Variants in ARF4 observed in about 807,000 individuals in gnomAD.
The protein encoded by ARF4 is ARF GTPase 4.
In ARF4, 5 loss-of-function variants were observed where a neutral mutation model predicts 24.3. The observed-to-expected ratio is 0.21, with a 90% CI of 0.11 to 0.43. The LOEUF is 0.43. Among genes scored for constraint, ARF4 ranks in the 20% least tolerant of loss-of-function variants. The pLI, the probability that ARF4 is intolerant of heterozygous loss-of-function variation, is 1.00. For missense variants in ARF4, 107 were observed against 213.0 expected (o/e 0.50, Z 3.10); for synonymous variants, 62 against 73.5 (o/e 0.84, Z 0.80).
intron 1 of ARF4, among the ~76,000 whole-genome samples, chr3:57,591,000 C>T (rs1232576315): frequency 1.3e-5 from 2 of 152,116 alleles, no homozygotes; most frequent in African/African-American, 2.4e-5. Context: ...TCACAATAAC[C>T]TTTCATTTTT....
In ARF4 at chr3:57,571,746, T is replaced by A. The variant is rs927264086; in HGVS notation, c.*466A>T. The A allele has an allele frequency of 6.3e-6, 1 of 158,830 alleles. No homozygotes were observed. The highest frequency in any genetic ancestry group is 1.4e-5 in the Non-Finnish European group (1 of 71,830). The allele number at this position is 158,830 out of a possible 1,614,324, so 9.8% of individuals were successfully genotyped here. On this transcript the variant is annotated 3_prime_UTR_variant, in exon 6 of 6. Transcript: ENST00000303436. ...AGAGAGCTGAGTAGTGTTTTGGATC[T>A]TTCTCTGGCTGGTACAAGCAGTATT...
intron 1 of ARF4, among the ~76,000 whole-genome samples, chr3:57,594,711 G>C (rs572685069): frequency 6.6e-6 from 1 of 152,210 alleles, no homozygotes; most frequent in African/African-American, 2.4e-5. Flanking sequence ...ACTCAGGAGG[G>C]CATGAATCTT....
intron 3 of ARF4, among the ~76,000 whole-genome samples, chr3:57,582,102 AGT>A (rs1373532320): frequency 6.6e-6 from 1 of 152,206 alleles, no homozygotes; most frequent in Non-Finnish European, 1.5e-5. Context: ...GATCAGAAAC[AGT>A]GGTTTCTGGT....
intron 1 of ARF4, among the ~76,000 whole-genome samples, chr3:57,589,643 G>C (rs140342312): frequency 6.6e-6 from 1 of 151,238 alleles, no homozygotes. Context: ...GCTTGAACCC[G>C]GGAGGTGGAG....
At chr3:57,597,046 C>A (rs757589144) in intron 1 of ARF4, 28 bp downstream of exon 1, 1 of 1,611,294 alleles carries the variant, frequency 6.2e-7, no homozygotes, top group South Asian at 1.1e-5. Context: ...TTTCCCAGGT[C>A]CCGCCTGACT....
At chr3:57,587,319 CAA>C (rs56787111) in intron 1 of ARF4, among the ~76,000 whole-genome samples, 2 of 45,400 alleles carry the variant, frequency 4.4e-5, no homozygotes, top group Non-Finnish European at 9.4e-5. Context: ...AACTCAGTCT[CAA>C]AAAAAAAAAA....
At chr3:57,582,189 C>G (rs2069981995) in intron 3 of ARF4, among the ~76,000 whole-genome samples, 1 of 152,088 alleles carries the variant, frequency 6.6e-6, no homozygotes, top group Non-Finnish European at 1.5e-5. Flanking sequence ...AAGCATGTGC[C>G]TCTGTATCAA....
At chr3:57,573,004 C>T (rs1193601202) in intron 5 of ARF4, among the ~76,000 whole-genome samples, 1 of 151,946 alleles carries the variant, frequency 6.6e-6, no homozygotes, top group Admixed American at 6.6e-5. Context: ...AGATCGAGAC[C>T]TTCCTGGCTA....
chr3:57,596,833 C>G (rs1303955343), intron 1 of ARF4: 2 of 512,984 alleles, frequency 3.9e-6, no homozygotes, highest in African/African-American at 2.0e-5. Context: ...GAGAAAAAGC[C>G]GAGTCCAGAA....
chr3:57,597,161 T>A lies in ARF4; in HGVS notation c.-21A>T, dbSNP rs764114525. ...CCCATGGCGGTAGTGGCACTTGTGA[T>A]GGGCAGAAGCAGAAGGGGTTTGGGG... On this transcript the variant is annotated 5_prime_UTR_variant, in exon 1 of 6. Transcript: ENST00000303436. 4.5e-5 allele frequency: 72 copies of A among 1,609,612 alleles called. No homozygotes were observed. Among genetic ancestry groups the A allele is most frequent in the Non-Finnish European group, 6.0e-5 (71 of 1,176,136 alleles).
At chr3:57,582,549 C>G (rs560843146) in intron 3 of ARF4, among the ~76,000 whole-genome samples, 6 of 152,052 alleles carry the variant, frequency 3.9e-5, no homozygotes, top group African/African-American at 1.2e-4. Flanking sequence ...CCTAAACATT[C>G]TCGTTTTTAA....
intron 1 of ARF4, among the ~76,000 whole-genome samples, chr3:57,595,920 C>T (rs2070175856): frequency 6.6e-6 from 1 of 151,230 alleles, no homozygotes; most frequent in African/African-American, 2.4e-5. Flanking sequence ...CACTGCACTC[C>T]AGCCTGGGTG....
At position 57,572,802 on chromosome 3, in the gene ARF4, A is replaced by C. The variant is rs1299555452; in HGVS notation, c.457-504T>G. ...ACTTTCTACCACTTAATCTGAAAAA[A>C]GAAATCATGGGGAAATTAGTAACTA... On this transcript the variant is annotated intron_variant, in intron 5 of 5. Coordinates refer to ENST00000303436, the MANE Select transcript of ARF4 (RefSeq NM_001660.4). Among the ~76,000 whole-genome samples the C allele has an allele frequency of 2.0e-5, 3 of 152,188 alleles. No individual in the cohort carries two copies. The East Asian group carries it at 5.8e-4, about 29-fold the overall frequency.
intron 1 of ARF4, among the ~76,000 whole-genome samples, chr3:57,591,115 T>C (rs1024697243): frequency 2.0e-5 from 3 of 152,142 alleles, no homozygotes; most frequent in East Asian, 1.9e-4. Context: ...CCCTCATATA[T>C]TGCTAGTGGG....
At chr3:57,585,579 A>G (rs1025297909) in intron 1 of ARF4, among the ~76,000 whole-genome samples, 39 of 152,308 alleles carry the variant, frequency 2.6e-4, no homozygotes, top group African/African-American at 8.9e-4. Flanking sequence ...ACAAACCTGC[A>G]CATTGTGCAC....
chr3:57,596,105 G>C (rs1448483757), intron 1 of ARF4, among the ~76,000 whole-genome samples: 2 of 152,132 alleles, frequency 1.3e-5, no homozygotes, highest in Non-Finnish European at 2.9e-5. Flanking sequence ...TACAGTAACC[G>C]GGAGCGGTTG....
Position 57,584,372 on chromosome 3 carries a change from A to C in ARF4, c.148+12T>G, listed in dbSNP as rs1354414630. On this transcript the variant is annotated intron_variant, in intron 2 of 5. Transcript: ENST00000303436. ...CATATCATGATATAAAGTCATCTGT[A>C]AACTTTCTTACCAATGGTAGGAATG... 1.3e-6 allele frequency: 2 copies of C among 1,585,328 alleles called. No homozygotes were observed. Among genetic ancestry groups the C allele is most frequent in the Non-Finnish European group, 1.7e-6 (2 of 1,154,990 alleles).
Position 57,597,250 on chromosome 3 carries a change from G to C in ARF4, c.-110C>G. The C allele has an allele frequency of 9.6e-7, 1 of 1,039,716 alleles. No homozygotes were observed. The highest frequency in any genetic ancestry group is 2.6e-5 in the East Asian group (1 of 38,396). The allele number at this position is 1,039,716 out of a possible 1,614,324, so 64.4% of individuals were successfully genotyped here. A position where few individuals can be genotyped will look rare whatever the true frequency, so the allele number is the denominator to read the frequency against. ...TAAACGAGAGGGAAGAGAAAGAGCG[G>C]AGGAAGAAAGAGGGAGGCAGAAACG... On this transcript the variant is annotated 5_prime_UTR_variant, in exon 1 of 6. Coordinates refer to ENST00000303436, the MANE Select transcript of ARF4 (RefSeq NM_001660.4).
intron 3 of ARF4, among the ~76,000 whole-genome samples, 189 bp from the exon 4 acceptor site, chr3:57,577,576 T>C (rs1039093386): frequency 6.6e-6 from 1 of 152,216 alleles, no homozygotes; most frequent in Non-Finnish European, 1.5e-5. Context: ...ATTAGTGCTA[T>C]TTCAAATCTA....
Sources: gnomAD v4.1 joint callset for allele counts (sites outside exome capture counted in the v4.1 genomes callset) on GRCh38, gnomAD v4.1.1 for gene constraint, MANE v1.5 for transcripts, NCBI Gene and HGNC (gene_info 2026-07-23, HGNC 2026-07-21) for gene names.